Variants in MGMT observed in about 807,000 individuals in gnomAD.
The protein encoded by MGMT is O-6-methylguanine-DNA methyltransferase.
Under a neutral mutation model 15.9 loss-of-function variants are expected in MGMT, and 14 were observed. The observed-to-expected ratio is 0.88, with a 90% confidence interval of 0.58 to 1.37. The LOEUF (loss-of-function observed/expected upper bound fraction) is 1.37, where lower values mean the gene tolerates loss of function less well. Among genes scored for constraint, MGMT ranks in the 40% most tolerant of loss-of-function variants. The pLI is 0.00. For missense variants in MGMT, 282 were observed against 268.1 expected (o/e 1.05, Z -0.36); for synonymous variants, 130 against 118.2 (o/e 1.10, Z -0.65).
intron 2 of MGMT, among the ~76,000 whole-genome samples, chr10:129,612,560 A>G (rs749621564): frequency 9.2e-5 from 14 of 152,238 alleles, no homozygotes; most frequent in Non-Finnish European, 1.9e-4. Context: ...GAGTTAATGC[A>G]GGGCTTGGGC....
intron 2 of MGMT, among the ~76,000 whole-genome samples, chr10:129,653,590 C>T (rs1420432350): frequency 6.6e-6 from 1 of 152,252 alleles, no homozygotes; most frequent in Non-Finnish European, 1.5e-5. Context: ...CTCACGTGGC[C>T]TCCCTGATGG....
chr10:129,518,327 T>C (rs7913966), intron 1 of MGMT, among the ~76,000 whole-genome samples: 147,907 of 149,610 alleles, frequency 0.99, 73,110 homozygotes, highest in Non-Finnish European at 0.99. Flanking sequence ...TGTGTACAGA[T>C]ACACACACAT....
rs1440359481 is a variant in MGMT, at chr10:129,467,249, G to T, written c.-60G>T. The T allele has an allele frequency of 8.2e-6, 12 of 1,470,042 alleles. No individual in the cohort carries two copies. The East Asian group carries it at 2.6e-4, about 32-fold the overall frequency. The allele number at this position is 1,470,042 out of a possible 1,614,324, so 91.1% of individuals were successfully genotyped here. ...ACAGCCCGCGCCCCTAGAACGCTTT[G>T]CGTCCCGACGCCCGCAGGTCCTCGC... On this transcript the variant is annotated 5_prime_UTR_variant, in exon 1 of 5. Transcript: ENST00000651593.
At chr10:129,630,697 C>T (rs1420301225) in intron 2 of MGMT, among the ~76,000 whole-genome samples, 1 of 152,178 alleles carries the variant, frequency 6.6e-6, no homozygotes, top group Non-Finnish European at 1.5e-5. Context: ...GAGACGCCGT[C>T]TCTCAAGGTG....
intron 2 of MGMT, among the ~76,000 whole-genome samples, chr10:129,574,704 T>A (rs556947127): frequency 1.5e-3 from 233 of 152,308 alleles, no homozygotes; most frequent in Middle Eastern, 3.4e-3. Flanking sequence ...CACTGACGGC[T>A]TGATCAGGGT....
chr10:129,485,415 T>C (rs553827501), intron 1 of MGMT, among the ~76,000 whole-genome samples: 1 of 152,326 alleles, frequency 6.6e-6, no homozygotes, highest in African/African-American at 2.4e-5. Context: ...GCTGGCTCAC[T>C]TCACTTCCCT....
At chr10:129,583,498 A>C (rs1358335862) in intron 2 of MGMT, among the ~76,000 whole-genome samples, 1 of 152,204 alleles carries the variant, frequency 6.6e-6, no homozygotes, top group African/African-American at 2.4e-5. Context: ...TTAAGGTAGA[A>C]GATAGTGAGG....
In MGMT at chr10:129,532,420, G is replaced by A. The variant is rs1055875027; in HGVS notation, c.-12-3821G>A. Among the ~76,000 whole-genome samples the A allele has an allele frequency of 6.6e-6, 1 of 152,212 alleles. No homozygotes were observed. Among genetic ancestry groups the A allele is most frequent in the African/African-American group, 2.4e-5 (1 of 41,460 alleles). ...GCTGGCCTCCCAAGTTTGGCTTCTT[G>A]TGGTCAGGGCCCAGACCATGATAAC... On this transcript the variant is annotated intron_variant, in intron 1 of 4. Transcript: ENST00000651593. The surrounding 1 kb of genome is among the most constrained non-coding windows in gnomAD (Gnocchi z 5.3).
At chr10:129,563,481 A>G (rs761566383) in intron 2 of MGMT, among the ~76,000 whole-genome samples, 1 of 152,064 alleles carries the variant, frequency 6.6e-6, no homozygotes, top group Non-Finnish European at 1.5e-5. Flanking sequence ...ACTCCCATTC[A>G]TGTATTTAAC....
At position 129,768,828 on chromosome 10, in the gene MGMT, CTGAGACCCT is replaced by C. The variant is rs1848968143; in HGVS notation, c.*1832_*1840del. On this transcript the variant is annotated 3_prime_UTR_variant, in exon 5 of 5. Coordinates refer to ENST00000651593, the MANE Select transcript of MGMT (RefSeq NM_002412.5). ...GCACCCCGATGGCTCCCTGTGCTCC[CTGAGACCCT>C]ACAGGCCGCCCTCTGCAGCCACACC... 1 of 152,370 alleles carries C rather than the reference CTGAGACCCT, an allele frequency of 6.6e-6. No individual in the cohort carries two copies. The highest frequency in any genetic ancestry group is 1.5e-5 in the Non-Finnish European group (1 of 68,154). The allele number at this position is 152,370 out of a possible 1,614,324, so 9.4% of individuals were successfully genotyped here.
chr10:129,563,120 A>G (rs115491853), intron 2 of MGMT, among the ~76,000 whole-genome samples: 5,552 of 152,280 alleles, frequency 0.036, 140 homozygotes, highest in South Asian at 0.065. Flanking sequence ...GCTGGGTGGA[A>G]CCATGGCGTT....
At chr10:129,647,115 C>A (rs117272437) in intron 2 of MGMT, among the ~76,000 whole-genome samples, 5 of 152,134 alleles carry the variant, frequency 3.3e-5, no homozygotes, top group Non-Finnish European at 5.9e-5. Context: ...GTAGCCCCCA[C>A]GCCAAGTCCC....
intron 3 of MGMT, among the ~76,000 whole-genome samples, chr10:129,733,727 G>A (rs1848528922): frequency 6.6e-6 from 1 of 151,824 alleles, no homozygotes; most frequent in African/African-American, 2.4e-5. Flanking sequence ...ATCTTGAATT[G>A]ATTTTTGTAT....
At chr10:129,723,401 C>G (rs1458523514) in intron 3 of MGMT, among the ~76,000 whole-genome samples, 1 of 152,120 alleles carries the variant, frequency 6.6e-6, no homozygotes, top group Non-Finnish European at 1.5e-5. Flanking sequence ...GACCTCACAC[C>G]ATACACAAAA....
At chr10:129,725,314 G>A (rs768269426) in intron 3 of MGMT, among the ~76,000 whole-genome samples, 5 of 152,290 alleles carry the variant, frequency 3.3e-5, no homozygotes, top group South Asian at 2.1e-4. Context: ...CCAGCCCCTC[G>A]CTGCCATCCC....
chr10:129,552,736 G>A (rs61859885), intron 2 of MGMT, among the ~76,000 whole-genome samples: 13,812 of 152,228 alleles, frequency 0.091, 819 homozygotes, highest in East Asian at 0.31. Flanking sequence ...GCAGGGCCAC[G>A]CGGTCCCCTT....
At chr10:129,726,552 G>A (rs191680837) in intron 3 of MGMT, among the ~76,000 whole-genome samples, 1 of 152,342 alleles carries the variant, frequency 6.6e-6, no homozygotes, top group East Asian at 1.9e-4. Context: ...CGCAGACTGA[G>A]CAGGAACAGT....
chr10:129,496,593 G>A (rs1845524265), intron 1 of MGMT, among the ~76,000 whole-genome samples: 1 of 152,108 alleles, frequency 6.6e-6, no homozygotes, highest in South Asian at 2.1e-4. Flanking sequence ...CACTCAGGGT[G>A]GTGCACTCTG....
At chr10:129,671,418 G>A (rs1313826456) in intron 2 of MGMT, among the ~76,000 whole-genome samples, 2 of 148,998 alleles carry the variant, frequency 1.3e-5, no homozygotes, top group African/African-American at 5.0e-5. Flanking sequence ...GCCTGGGGCT[G>A]GGGCTGGACA....
Sources: gnomAD v4.1 joint callset for allele counts (sites outside exome capture counted in the v4.1 genomes callset) on GRCh38, gnomAD v4.1.1 for gene constraint, Gnocchi (gnomAD v3.1) non-coding constraint, MANE v1.5 for transcripts, NCBI Gene and HGNC (gene_info 2026-07-23, HGNC 2026-07-21) for gene names.